GAREM1: variants seen among roughly 807,000 people sequenced by gnomAD.
GAREM1 encodes the protein GRB2-associated and regulator of MAPK protein 1.
In GAREM1, 26 loss-of-function variants were observed where a neutral mutation model predicts 71.3. The observed-to-expected ratio is 0.36, with a 90% CI of 0.27 to 0.51. The LOEUF is 0.51. Ranked by LOEUF, GAREM1 falls within the 20% of genes least tolerant of loss-of-function variation. The pLI, the probability that GAREM1 is intolerant of heterozygous loss-of-function variation, is 0.95. For missense variants in GAREM1, 1,026 were observed against 1,103.1 expected, an observed-to-expected ratio of 0.93 and a Z score of 0.99; for synonymous variants, 440 against 433.2, an observed-to-expected ratio of 1.02 and a Z score of -0.20.
At chr18:32,363,239 C>A (rs1333866953) in intron 2 of GAREM1, among the ~76,000 whole-genome samples, 1 of 151,390 alleles carries the variant, frequency 6.6e-6, no homozygotes, top group African/African-American at 2.4e-5. Context: ...TACTTAAGAA[C>A]ACAGTACACC....
intron 3 of GAREM1, among the ~76,000 whole-genome samples, chr18:32,301,743 T>C (rs1350539758): frequency 6.6e-6 from 1 of 152,244 alleles, no homozygotes; most frequent in East Asian, 1.9e-4. Context: ...AATTGCATCT[T>C]CATTTTACAC....
intron 1 of GAREM1, among the ~76,000 whole-genome samples, chr18:32,429,297 A>AGT (rs1270167756): frequency 6.6e-6 from 1 of 152,234 alleles, no homozygotes; most frequent in Non-Finnish European, 1.5e-5. Flanking sequence ...AAATCATTTT[A>AGT]ATAATTTTGG....
rs34313807 is a variant in GAREM1, at chr18:32,439,645, CTTT to C, written c.121+30660_121+30662del. ...GAAAGTAACAGAGTGACCAAATGAG[CTTT>C]TTTTTTTTTTCTTTAAAAAGCACTT... On this transcript the variant is annotated intron_variant, in intron 1 of 5. Coordinates refer to ENST00000269209, the MANE Select transcript of GAREM1 (RefSeq NM_001242409.2). Among the ~76,000 whole-genome samples, 15 of 146,234 alleles carry C rather than the reference CTTT, an allele frequency of 1.0e-4. No individual in the cohort carries two copies. In the South Asian group the frequency reaches 2.0e-3, roughly 19 times the overall value.
chr18:32,310,447 T>A (rs2047308199), intron 2 of GAREM1, 124 bp from the exon 3 acceptor site: 2 of 958,256 alleles, frequency 2.1e-6, no homozygotes, highest in African/African-American at 3.4e-5. Context: ...TCATCATTAA[T>A]CTTTTTAAAA....
intron 2 of GAREM1, among the ~76,000 whole-genome samples, chr18:32,335,816 C>T (rs895732926): frequency 6.6e-6 from 1 of 152,140 alleles, no homozygotes; most frequent in African/African-American, 2.4e-5. Context: ...ATTCTAGTTG[C>T]AATTCAGGAA....
intron 1 of GAREM1, among the ~76,000 whole-genome samples, chr18:32,441,394 A>G (rs1340967505): frequency 6.6e-6 from 1 of 151,890 alleles, no homozygotes; most frequent in Non-Finnish European, 1.5e-5. Context: ...TAATCCATCT[A>G]AAGAAAGAAC....
intron 2 of GAREM1, among the ~76,000 whole-genome samples, chr18:32,329,654 C>T (rs547723613): frequency 2.1e-5 from 3 of 142,084 alleles, no homozygotes; most frequent in East Asian, 2.0e-4. Flanking sequence ...TACAGTGAGC[C>T]GAGATTGCGC....
intron 1 of GAREM1, among the ~76,000 whole-genome samples, chr18:32,428,466 T>C (rs1293102246): frequency 1.3e-5 from 2 of 152,142 alleles, no homozygotes; most frequent in Non-Finnish European, 2.9e-5. Context: ...GAGTGAGTTC[T>C]CGTGAGATCT....
At chr18:32,370,418 T>A (rs1405529272) in intron 2 of GAREM1, among the ~76,000 whole-genome samples, 2 of 146,694 alleles carry the variant, frequency 1.4e-5, no homozygotes, top group African/African-American at 5.1e-5. Context: ...CAAAACTCTG[T>A]TTCAAAAAAA....
chr18:32,444,173 G>A (rs1207125158), intron 1 of GAREM1, among the ~76,000 whole-genome samples: 1 of 152,156 alleles, frequency 6.6e-6, no homozygotes, highest in Non-Finnish European at 1.5e-5. Flanking sequence ...TGATAAAAAT[G>A]TTCTGGAATT....
At chr18:32,270,189 T>A in intron 5 of GAREM1, 28 bp downstream of exon 5, 1 of 1,610,562 alleles carries the variant, frequency 6.2e-7, no homozygotes, top group Non-Finnish European at 8.5e-7. Context: ...AAGATAAGCG[T>A]GCAGTGGGAC....
chr18:32,425,045 G>T (rs922155061), intron 1 of GAREM1, among the ~76,000 whole-genome samples: 1 of 151,986 alleles, frequency 6.6e-6, no homozygotes, highest in Admixed American at 6.5e-5. Flanking sequence ...TTGAGTAAAG[G>T]GTCAACCAAA....
intron 2 of GAREM1, among the ~76,000 whole-genome samples, chr18:32,363,265 A>G (rs1229135983): frequency 6.6e-6 from 1 of 152,176 alleles, no homozygotes; most frequent in Non-Finnish European, 1.5e-5. Flanking sequence ...AACATGAATT[A>G]TTTTAAGCAA....
chr18:32,287,777 C>T lies in GAREM1; in HGVS notation c.820G>A (p.Val274Met). ...FIREGHRYKF[V>M]NIQTKTVVVC... The stretch of plus-strand genomic sequence containing the variant: ...ACCACCGTCTTGGTCTGGATGTTCA[C>T]AAACTTATAGCGGTGCCCCTCACGG... The change falls in exon 4 of 6, where the codon GTG becomes ATG. Residue 274 changes from valine (V) to methionine (M), a missense_variant. By Grantham distance (21) the Val-to-Met change is conservative. This residue lies in a region of GAREM1 where 218 missense variants were observed against 296.8 expected (regional missense o/e 0.73). Transcript: ENST00000269209. The surrounding 1 kb of genome is among the most constrained non-coding windows in gnomAD (Gnocchi z 5.9). 1 of 1,613,538 alleles carries T rather than the reference C, an allele frequency of 6.2e-7. No individual in the cohort carries two copies. The highest frequency in any genetic ancestry group is 8.5e-7 in the Non-Finnish European group (1 of 1,179,978).
intron 4 of GAREM1, among the ~76,000 whole-genome samples, chr18:32,275,653 C>T (rs1265884753): frequency 1.3e-5 from 2 of 152,208 alleles, no homozygotes; most frequent in African/African-American, 4.8e-5. Flanking sequence ...TAGCATACTT[C>T]TCTCCTCCTG....
intron 3 of GAREM1, among the ~76,000 whole-genome samples, chr18:32,304,824 A>G (rs2047236482): frequency 6.6e-6 from 1 of 152,190 alleles, no homozygotes; most frequent in Non-Finnish European, 1.5e-5. Flanking sequence ...GCCACTCTAC[A>G]GTCCAACTCA....
At chr18:32,316,066 A>G (rs113152861) in intron 2 of GAREM1, among the ~76,000 whole-genome samples, 2,136 of 152,352 alleles carry the variant, frequency 0.014, 61 homozygotes, top group African/African-American at 0.049. Flanking sequence ...CATAGGGTCC[A>G]TATTAAGCTG....
intron 2 of GAREM1, among the ~76,000 whole-genome samples, chr18:32,318,545 G>T (rs903683241): frequency 6.6e-6 from 1 of 152,172 alleles, no homozygotes; most frequent in African/African-American, 2.4e-5. Context: ...CTTAGAGGTG[G>T]TCAAATTCAG....
chr18:32,398,730 C>T (rs1303581824), intron 1 of GAREM1, among the ~76,000 whole-genome samples: 1 of 152,054 alleles, frequency 6.6e-6, no homozygotes, highest in African/African-American at 2.4e-5. Context: ...CTGAATTCTA[C>T]CAGAGGTACA....
Sources: allele counts gnomAD v4.1 joint callset (sites outside exome capture counted in the v4.1 genomes callset), GRCh38; gene constraint gnomAD v4.1.1; regional missense constraint gnomAD v4.1.1; non-coding constraint Gnocchi (gnomAD v3.1); transcripts MANE v1.5; gene names NCBI Gene and HGNC (gene_info 2026-07-23, HGNC 2026-07-21).